The following GRAMD1B variants were observed in gnomAD, a reference collection of about 807,000 sequenced individuals.
GRAMD1B encodes the protein GRAM domain containing 1B, also known as protein Aster-B.
GRAMD1B carries 37 observed loss-of-function variants against 99.7 expected under a neutral mutation model. That is an observed-to-expected ratio of 0.37 (90% CI 0.29 to 0.49). The LOEUF (loss-of-function observed/expected upper bound fraction) is 0.49, where lower values mean the gene tolerates loss of function less well. Ranked by LOEUF, GRAMD1B falls within the 20% of genes least tolerant of loss-of-function variation. GRAMD1B has a pLI of 0.98. For missense variants in GRAMD1B, 888 were observed against 1,009.2 expected, an observed-to-expected ratio of 0.88 and a Z score of 1.63; for synonymous variants, 427 against 387.6, an observed-to-expected ratio of 1.10 and a Z score of -1.19.
At chr11:123,571,996 C>G (rs1948155900) in intron 2 of GRAMD1B, among the ~76,000 whole-genome samples, 1 of 152,170 alleles carries the variant, frequency 6.6e-6, no homozygotes, top group Non-Finnish European at 1.5e-5. Context: ...AAGAATAGGC[C>G]TCTAGCTCTT....
intron 2 of GRAMD1B, chr11:123,560,390 G>A: frequency 8.5e-7 from 1 of 1,175,920 alleles, no homozygotes; most frequent in Non-Finnish European, 1.1e-6. Flanking sequence ...AGGTGGGGGA[G>A]AGGGAAATAA....
At chr11:123,397,798 C>G (rs978136937) in intron 1 of GRAMD1B, among the ~76,000 whole-genome samples, 1 of 152,158 alleles carries the variant, frequency 6.6e-6, no homozygotes, top group East Asian at 1.9e-4. Context: ...TGTGAGCCAC[C>G]ACACCCAACC....
chr11:123,462,035 T>C (rs934407679), intron 1 of GRAMD1B, among the ~76,000 whole-genome samples: 2 of 150,056 alleles, frequency 1.3e-5, no homozygotes, highest in Non-Finnish European at 3.0e-5. Flanking sequence ...GGCACGGTCT[T>C]GGCTCACTGC....
At chr11:123,404,774 C>T (rs536836526) in intron 1 of GRAMD1B, among the ~76,000 whole-genome samples, 6 of 152,212 alleles carry the variant, frequency 3.9e-5, no homozygotes, top group Non-Finnish European at 8.8e-5. Context: ...CACTGCGCAG[C>T]CTTGCAGGCA....
chr11:123,525,932 A>T, intron 2 of GRAMD1B: 1 of 581,252 alleles, frequency 1.7e-6, no homozygotes, highest in East Asian at 2.8e-5. Flanking sequence ...TTTGCCTCCA[A>T]GCCCAGCTTT....
Position 123,618,764 on chromosome 11 carries a change from C to A in GRAMD1B, c.2390C>A (p.Thr797Asn). Residue 797 changes from threonine to asparagine, a missense_variant, in exon 18 of 20, where the codon ACC (threonine) becomes AAC (asparagine). This residue lies in a region of GRAMD1B where 232 missense variants were observed against 261.7 expected (regional missense o/e 0.89). Transcript: ENST00000635736. ...KLWMLEYTTQ[T>N]LTAWQGLRLQ... ...TGGATGTTGGAATACACCACGCAGA[C>A]CCTCACTGCCTGGCAGGGTCTAAGG... The A allele has an allele frequency of 6.3e-7, 1 of 1,578,652 alleles. No individual in the cohort carries two copies. The highest frequency in any genetic ancestry group is 8.6e-7 in the Non-Finnish European group (1 of 1,159,774).
At chr11:123,571,494 T>C (rs1948086486) in intron 2 of GRAMD1B, among the ~76,000 whole-genome samples, 1 of 152,036 alleles carries the variant, frequency 6.6e-6, no homozygotes, top group African/African-American at 2.4e-5. Flanking sequence ...ATAGGTAGCA[T>C]GAGATACTGT....
intron 3 of GRAMD1B, among the ~76,000 whole-genome samples, chr11:123,581,248 T>C (rs1164132788): frequency 1.3e-5 from 2 of 152,198 alleles, no homozygotes; most frequent in African/African-American, 4.8e-5. Flanking sequence ...TTCTTCCTCT[T>C]TGGCCAAATC....
chr11:123,576,898 TG>T (rs1239123802), intron 2 of GRAMD1B, among the ~76,000 whole-genome samples: 1 of 152,232 alleles, frequency 6.6e-6, no homozygotes, highest in African/African-American at 2.4e-5. Flanking sequence ...ATGTGAAGGC[TG>T]TGAAAAATAG....
intron 1 of GRAMD1B, among the ~76,000 whole-genome samples, chr11:123,405,245 T>A (rs1947815879): frequency 6.6e-6 from 1 of 151,644 alleles, no homozygotes; most frequent in Non-Finnish European, 1.5e-5. Flanking sequence ...AGAGACTGCC[T>A]ACAGCCTTAA....
Position 123,581,451 on chromosome 11 carries a change from G to A in GRAMD1B, c.664-2861G>A, listed in dbSNP as rs528564543. ...GCCCCTGTGGGTCTGGGTCCTTCCC[G>A]TCTGGCAGAGCCTTTGGGACTCATT... On this transcript the variant is annotated intron_variant, in intron 3 of 19. Coordinates refer to ENST00000635736, the MANE Select transcript of GRAMD1B (RefSeq NM_001387025.1). Among the ~76,000 whole-genome samples the A allele has an allele frequency of 3.9e-5, 6 of 152,296 alleles. No individual in the cohort carries two copies. In the East Asian group the frequency reaches 5.8e-4, roughly 15 times the overall value.
intron 2 of GRAMD1B, among the ~76,000 whole-genome samples, chr11:123,559,936 A>G (rs912605341): frequency 1.3e-5 from 2 of 152,080 alleles, no homozygotes; most frequent in African/African-American, 4.8e-5. Flanking sequence ...GTTTTTATTT[A>G]GTGTCACCTC....
intron 1 of GRAMD1B, among the ~76,000 whole-genome samples, chr11:123,466,312 GAAAGAGAA>G (rs1192889998): frequency 8.1e-6 from 1 of 123,458 alleles, no homozygotes; most frequent in African/African-American, 3.2e-5. Flanking sequence ...GAGAGAGAGA[GAAAGAGAA>G]AGAAAGAAAG....
At chr11:123,399,885 G>T (rs538460389) in intron 1 of GRAMD1B, among the ~76,000 whole-genome samples, 36 of 152,304 alleles carry the variant, frequency 2.4e-4, no homozygotes, top group African/African-American at 7.0e-4. Context: ...CTCCCAAAGT[G>T]CTGGGATTAC....
At chr11:123,559,233 C>T (rs1946450799) in intron 2 of GRAMD1B, among the ~76,000 whole-genome samples, 1 of 152,218 alleles carries the variant, frequency 6.6e-6, no homozygotes, top group Non-Finnish European at 1.5e-5. Context: ...GTTTCCCAGG[C>T]ATTGAGCTAA....
chr11:123,431,403 G>T (rs972608180), intron 1 of GRAMD1B, among the ~76,000 whole-genome samples: 16 of 152,252 alleles, frequency 1.1e-4, no homozygotes, highest in Non-Finnish European at 1.9e-4. Context: ...TTTACGTGGG[G>T]CTTTACGCTG....
intron 2 of GRAMD1B, among the ~76,000 whole-genome samples, chr11:123,533,745 C>T (rs1200795675): frequency 6.6e-6 from 1 of 152,156 alleles, no homozygotes; most frequent in Admixed American, 6.5e-5. Context: ...TGTTTTAAAT[C>T]TTATAAACTC....
chr11:123,591,564 CTG>C lies in GRAMD1B; in HGVS notation c.685-2517_685-2516del, dbSNP rs1565427809. On this transcript the variant is annotated intron_variant, in intron 4 of 19. Transcript: ENST00000635736. This position sits in a 1 kb window ranked among gnomAD's most constrained non-coding sequence, Gnocchi z 4.7. ...GCCGTGAGTGTGTGACTCAGTTTCTCTGAGTCTCTGTGGTAGTTCTGCACCCT... is the reference window on the plus strand; with the variant it reads ...GCCGTGAGTGTGTGACTCAGTTTCTCAGTCTCTGTGGTAGTTCTGCACCCT... 2 of 398,628 alleles carry C rather than the reference CTG, an allele frequency of 5.0e-6. No individual in the cohort carries two copies. Among genetic ancestry groups the C allele is most frequent in the African/African-American group, 2.1e-5 (1 of 48,610 alleles). 24.7% of individuals were successfully genotyped at this position (398,628 alleles called of 1,614,324 possible). A position where few individuals can be genotyped will look rare whatever the true frequency, so the allele number is the denominator to read the frequency against.
At chr11:123,395,998 AT>A (rs1316411992) in intron 1 of GRAMD1B, among the ~76,000 whole-genome samples, 2 of 152,158 alleles carry the variant, frequency 1.3e-5, no homozygotes, top group Admixed American at 6.5e-5. Flanking sequence ...AGTAGCTTAT[AT>A]TTAGTAGTAG....
Sources: gnomAD v4.1 joint callset for allele counts (sites outside exome capture counted in the v4.1 genomes callset) on GRCh38, gnomAD v4.1.1 for gene constraint, gnomAD v4.1.1 regional missense constraint, Gnocchi (gnomAD v3.1) non-coding constraint, MANE v1.5 for transcripts, NCBI Gene and HGNC (gene_info 2026-07-23, HGNC 2026-07-21) for gene names.